SLC6A12: variants seen among roughly 807,000 people sequenced by gnomAD.
The protein encoded by SLC6A12 is sodium- and chloride-dependent betaine transporter.
Under a neutral mutation model 73.3 loss-of-function variants are expected in SLC6A12, and 50 were observed. The ratio of observed to expected loss-of-function variants is 0.68; its 90% CI spans 0.54 to 0.86. SLC6A12 has a LOEUF of 0.86. SLC6A12 is among the 40% of genes least tolerant of loss of function. The probability of loss-of-function intolerance (pLI) is 0.00; values close to 1 mark genes in which losing one functional copy is unlikely to be tolerated. For synonymous variants in SLC6A12, 304 were observed against 309.2 expected, an observed-to-expected ratio of 0.98 and a Z score of 0.18; for missense variants, 648 against 772.8, an observed-to-expected ratio of 0.84 and a Z score of 1.92.
intron 3 of SLC6A12, among the ~76,000 whole-genome samples, chr12:206,305 G>A (rs909040990): frequency 6.6e-6 from 1 of 152,072 alleles, no homozygotes; most frequent in African/African-American, 2.4e-5. Flanking sequence ...GCCTATTCTA[G>A]GTACCTTATG....
chr12:185,572 T>C (rs1939416689), downstream of SLC6A12, among the ~76,000 whole-genome samples: 1 of 152,230 alleles, frequency 6.6e-6, no homozygotes, highest in African/African-American at 2.4e-5. Context: ...ACTCTTGTTA[T>C]AGCCACAGGT....
chr12:184,136 T>C, the SLC6A12 span, among the ~76,000 whole-genome samples: 5 of 151,960 alleles, frequency 3.3e-5, no homozygotes, highest in Admixed American at 6.6e-5. Flanking sequence ...GCCCCAAGAA[T>C]GAACAGATGA....
chr12:200,538 CAGGAAGTGTAGTTTCTTAATAGA>C, intron 7 of SLC6A12, 90 bp downstream of exon 7: 1 of 1,212,332 alleles, frequency 8.2e-7, no homozygotes, highest in South Asian at 1.5e-5. Flanking sequence ...CTGCCCTGCT[CAGGAAGTGTAGTTTCTTAATAGA>C]AAGAAATCAG....
chr12:205,251 C>A (rs1486506609), intron 3 of SLC6A12, among the ~76,000 whole-genome samples: 1 of 152,018 alleles, frequency 6.6e-6, no homozygotes, highest in African/African-American at 2.4e-5. Flanking sequence ...TAACAGACAT[C>A]CAGCAGGTTA....
At chr12:185,632 G>A (rs502783), downstream of SLC6A12, among the ~76,000 whole-genome samples, 58,780 of 152,152 alleles carry the variant, frequency 0.39, 11,495 homozygotes, top group South Asian at 0.5. Flanking sequence ...CTCAGCCTTG[G>A]CAGGGAGCAA....
chr12:202,709 G>A (rs1362199416), intron 5 of SLC6A12, 31 bp downstream of exon 5: 14 of 1,603,890 alleles, frequency 8.7e-6, no homozygotes, highest in African/African-American at 1.3e-5. Flanking sequence ...CCCCTAACAG[G>A]CAACATCCCA....
chr12:187,623 AAAAAAAAAC>A (rs1939458833), downstream of SLC6A12, among the ~76,000 whole-genome samples: 11 of 36,124 alleles, frequency 3.0e-4, no homozygotes, highest in South Asian at 1.6e-3. Context: ...AAAAAAAAAA[AAAAAAAAAC>A]AAACCACACA....
downstream of SLC6A12, among the ~76,000 whole-genome samples, chr12:187,572 GATTT>G (rs1939452948): frequency 8.8e-6 from 1 of 113,544 alleles, no homozygotes. Context: ...GCAGCAGCAA[GATTT>G]ACTGCAAAAG....
chr12:200,045 C>G (rs182120096), intron 7 of SLC6A12, among the ~76,000 whole-genome samples: 1 of 151,784 alleles, frequency 6.6e-6, no homozygotes, highest in Non-Finnish European at 1.5e-5. Flanking sequence ...CAGTGCCAAC[C>G]TGCCAGCAGG....
chr12:195,151 G>A, intron 13 of SLC6A12, 74 bp downstream of exon 13: 1 of 950,758 alleles, frequency 1.1e-6, no homozygotes, highest in Non-Finnish European at 1.7e-6. Flanking sequence ...GCCTCCCCCA[G>A]GCAAAGCCTG....
intron 11 of SLC6A12, 58 bp from the exon 12 acceptor site, chr12:196,319 C>T: frequency 6.4e-7 from 1 of 1,559,908 alleles, no homozygotes; most frequent in Non-Finnish European, 8.7e-7. Flanking sequence ...TGGCCACCAG[C>T]CCTGGCCTCC....
rs147583896 is a variant in SLC6A12 at position 195,140 on chromosome 12, G to A, written c.1429+85C>T. The A allele has an allele frequency of 1.2e-3, 1,018 of 820,540 alleles. 9 individuals are homozygous for A. The African/African-American group carries it at 0.014, about 11-fold the overall frequency. 50.8% of individuals were successfully genotyped at this position (820,540 alleles called of 1,614,324 possible). A position where few individuals can be genotyped will look rare whatever the true frequency, so the allele number is the denominator to read the frequency against. On this transcript the variant is annotated intron_variant, in intron 13 of 15. Coordinates refer to ENST00000684302, the MANE Select transcript of SLC6A12 (RefSeq NM_001122848.3). ...CACAGAAACCAGGGGACCAGAGAACGGCCTCCCCCAGGCAAAGCCTGCCCC... is the reference window on the plus strand; with the variant it reads ...CACAGAAACCAGGGGACCAGAGAACAGCCTCCCCCAGGCAAAGCCTGCCCC...
At chr12:203,810 G>A (rs1044459371) in intron 4 of SLC6A12, 2 of 128,144 alleles carry the variant, frequency 1.6e-5, no homozygotes, top group African/African-American at 2.6e-5. Flanking sequence ...GCGCGGGGGC[G>A]CGCGGGGGCG....
In SLC6A12 at chr12:197,158, C is replaced by CATCTATCCATCCATCTATCCATCCATCT. The variant is rs1565469088; in HGVS notation, c.1075+218_1075+219insAGATGGATGGATAGATGGATGGATAGAT. Among the ~76,000 whole-genome samples the CATCTATCCATCCATCTATCCATCCATCT allele has an allele frequency of 3.8e-4, 17 of 44,480 alleles. 1 individual carries two copies. Among genetic ancestry groups the CATCTATCCATCCATCTATCCATCCATCT allele is most frequent in the African/African-American group, 9.6e-4 (13 of 13,488 alleles). The allele number at this position is 44,480 out of a possible 152,430, so 29.2% of individuals were successfully genotyped here. ...CCATCCATCCATCCATCCATCCATC[C>CATCTATCCATCCATCTATCCATCCATCT]ATCCATCCATCCATCCATCCATCCA... On this transcript the variant is annotated intron_variant, in intron 10 of 15. Coordinates refer to ENST00000684302, the MANE Select transcript of SLC6A12 (RefSeq NM_001122848.3).
At chr12:196,067 G>A (rs1348802529) in intron 12 of SLC6A12, 57 bp downstream of exon 12, 3 of 1,513,104 alleles carry the variant, frequency 2.0e-6, no homozygotes, top group African/African-American at 1.4e-5. Flanking sequence ...GGTCAGCAGT[G>A]TCCCCCGTGG....
chr12:187,150 A>G (rs1340087559), downstream of SLC6A12, among the ~76,000 whole-genome samples: 1 of 152,200 alleles, frequency 6.6e-6, no homozygotes, highest in African/African-American at 2.4e-5. Flanking sequence ...CACTGGCCAA[A>G]TTGTAGCTGC....
At chr12:209,327 A>G (rs11061976) in intron 3 of SLC6A12, among the ~76,000 whole-genome samples, 74,518 of 151,664 alleles carry the variant, frequency 0.49, 18,368 homozygotes, top group Middle Eastern at 0.57. Flanking sequence ...ACCACGCGGA[A>G]CCGTTTGTCC....
rs769620102 is a variant in SLC6A12 at position 210,032 on chromosome 12, G to A, written c.-46C>T. The A allele has an allele frequency of 1.9e-5, 31 of 1,605,838 alleles. No homozygotes were observed. The highest frequency in any genetic ancestry group is 2.2e-5 in the East Asian group (1 of 44,680). On this transcript the variant is annotated 5_prime_UTR_variant, in exon 3 of 16. Transcript: ENST00000684302. The stretch of plus-strand genomic sequence containing the variant: ...AGCCCCGCTGGGTGGGCAGGATGAC[G>A]AGGGCCAAAGCCTGGTGGGAAGAGA...
chr12:190,401 T>A lies in SLC6A12; in HGVS notation c.*667A>T, dbSNP rs1027651248. 6.6e-6 allele frequency: 1 copy of A among 152,038 alleles called. No homozygotes were observed. Among genetic ancestry groups the A allele is most frequent in the South Asian group, 2.1e-4 (1 of 4,822 alleles). 9.4% of individuals were successfully genotyped at this position (152,038 alleles called of 1,614,324 possible). Reference sequence around the variant, plus strand: ...GGACAGTGCAGGGAGGCATGCCGAGTGTTTGTGAAGTCTAGGAATCATCTC... The same window carrying A: ...GGACAGTGCAGGGAGGCATGCCGAGAGTTTGTGAAGTCTAGGAATCATCTC... On this transcript the variant is annotated 3_prime_UTR_variant, in exon 16 of 16. Coordinates refer to ENST00000684302, the MANE Select transcript of SLC6A12 (RefSeq NM_001122848.3).
Sources: gnomAD v4.1 joint callset for allele counts (sites outside exome capture counted in the v4.1 genomes callset) on GRCh38, gnomAD v4.1.1 for gene constraint, MANE v1.5 for transcripts, NCBI Gene and HGNC (gene_info 2026-07-23, HGNC 2026-07-21) for gene names.